Variants in ASAP1 observed in about 807,000 individuals in gnomAD.
ASAP1 encodes the protein ArfGAP with SH3 domain, ankyrin repeat and PH domain 1.
ASAP1 carries 43 observed loss-of-function variants against 145.2 expected under a neutral mutation model. That is an observed-to-expected ratio of 0.30 (90% CI 0.23 to 0.38). The LOEUF (loss-of-function observed/expected upper bound fraction) is 0.38, where lower values mean the gene tolerates loss of function less well. Ranked by LOEUF, ASAP1 falls within the 10% of genes least tolerant of loss-of-function variation. ASAP1 has a pLI of 1.00. For synonymous variants in ASAP1, 546 were observed against 515.5 expected (o/e 1.06, Z -0.80); for missense variants, 1,018 against 1,355.3 (o/e 0.75, Z 3.91).
At chr8:130,117,436 G>A (rs2135641758) in intron 20 of ASAP1, among the ~76,000 whole-genome samples, 1 of 152,300 alleles carries the variant, frequency 6.6e-6, no homozygotes, top group Non-Finnish European at 1.5e-5. Context: ...TGTCTCTGAG[G>A]AAGAAACCTG....
chr8:130,252,576 T>C (rs1819266543), intron 3 of ASAP1, among the ~76,000 whole-genome samples: 2 of 152,142 alleles, frequency 1.3e-5, no homozygotes, highest in African/African-American at 4.8e-5. Context: ...AACTGTACAT[T>C]TAAAAAATTA....
At chr8:130,261,686 AGAGTAAGAACTCT>A (rs1205265736) in intron 3 of ASAP1, among the ~76,000 whole-genome samples, 1 of 152,172 alleles carries the variant, frequency 6.6e-6, no homozygotes, top group African/African-American at 2.4e-5. Context: ...TAGTCAACAG[AGAGTAAGAACTCT>A]GATACACAAT....
intron 24 of ASAP1, among the ~76,000 whole-genome samples, chr8:130,100,561 T>C (rs1056217296): frequency 6.6e-6 from 1 of 152,118 alleles, no homozygotes; most frequent in African/African-American, 2.4e-5. Flanking sequence ...AGCCCTGACC[T>C]CAGGCAATCT....
Position 130,187,241 on chromosome 8 carries a change from T to C in ASAP1, c.525A>G (p.Thr175=). The C allele has an allele frequency of 6.2e-7, 1 of 1,608,158 alleles. No individual in the cohort carries two copies. Among genetic ancestry groups the C allele is most frequent in the Non-Finnish European group, 8.5e-7 (1 of 1,178,490 alleles). ...PFDKAWKDYE[T]KFTKIEKEKR... is the part of the protein sequence containing the mutation. ...CTAAACAAAAAACCACTTACAACTT[T>C]GTCTCATAATCTTTCCAGGCTTTGT... The change falls in exon 7 of 30, where the codon ACA becomes ACG. Residue 175 remains threonine, a synonymous_variant. Coordinates refer to ENST00000518721, the MANE Select transcript of ASAP1 (RefSeq NM_018482.4).
intron 3 of ASAP1, among the ~76,000 whole-genome samples, chr8:130,260,802 C>T (rs1819850219): frequency 6.6e-6 from 1 of 152,150 alleles, no homozygotes; most frequent in African/African-American, 2.4e-5. Context: ...CAAAGGAATA[C>T]CAGGGCACAT....
chr8:130,221,271 G>A (rs1271907140), intron 4 of ASAP1, among the ~76,000 whole-genome samples: 1 of 151,954 alleles, frequency 6.6e-6, no homozygotes, highest in East Asian at 1.9e-4. Context: ...GAAAGAAAGA[G>A]AAGGAAGGAA....
intron 2 of ASAP1, among the ~76,000 whole-genome samples, chr8:130,364,933 C>G (rs1245525993): frequency 6.6e-6 from 1 of 152,126 alleles, no homozygotes. Context: ...GCAATCCAGT[C>G]TCAAAAAATA....
At chr8:130,169,364 C>T (rs569090551) in intron 9 of ASAP1, among the ~76,000 whole-genome samples, 15 of 152,220 alleles carry the variant, frequency 9.9e-5, no homozygotes, top group South Asian at 6.2e-4. Flanking sequence ...GATTTCATAA[C>T]GTACATATGC....
chr8:130,346,906 T>C (rs1825733653), intron 3 of ASAP1, among the ~76,000 whole-genome samples: 1 of 152,148 alleles, frequency 6.6e-6, no homozygotes, highest in Non-Finnish European at 1.5e-5. Flanking sequence ...GAAAAGGAAA[T>C]GGGCATCATA....
intron 1 of ASAP1, among the ~76,000 whole-genome samples, chr8:130,415,622 T>C (rs1348128094): frequency 6.6e-6 from 1 of 152,098 alleles, no homozygotes; most frequent in East Asian, 1.9e-4. Context: ...ACCCCATTTC[T>C]ACGAAAAATA....
At chr8:130,074,122 A>G (rs1199442839) in intron 27 of ASAP1, among the ~76,000 whole-genome samples, 1 of 152,132 alleles carries the variant, frequency 6.6e-6, no homozygotes, top group Non-Finnish European at 1.5e-5. Context: ...TCTTAAAAAA[A>G]AAAAGGGGGC....
chr8:130,348,973 G>A (rs912030713), intron 3 of ASAP1, among the ~76,000 whole-genome samples: 3 of 152,232 alleles, frequency 2.0e-5, no homozygotes, highest in Non-Finnish European at 4.4e-5. Context: ...CAATGGAGAG[G>A]ACTCGACGAG....
rs1008707817 is a variant in ASAP1, at chr8:130,205,436, T to C, written c.405+9120A>G. 1.6e-4 allele frequency among the ~76,000 whole-genome samples: 23 copies of C among 147,892 alleles called. No homozygotes were observed. In the South Asian group the frequency reaches 4.9e-3, roughly 31 times the overall value. On this transcript the variant is annotated intron_variant, in intron 5 of 29. Transcript: ENST00000518721. ...ATTCAAATTCAGCCTGAGGTATATA[T>C]ACACTAGGATACCTGTTTATTGGAT...
chr8:130,157,090 A>C (rs929120834), intron 12 of ASAP1, among the ~76,000 whole-genome samples: 2 of 152,166 alleles, frequency 1.3e-5, no homozygotes, highest in Admixed American at 6.5e-5. Context: ...TTTCCAAGAG[A>C]TGTTTGTACC....
At chr8:130,353,686 A>G (rs1387406163) in intron 3 of ASAP1, among the ~76,000 whole-genome samples, 1 of 152,200 alleles carries the variant, frequency 6.6e-6, no homozygotes, top group African/African-American at 2.4e-5. Context: ...CCTGGCCAAC[A>G]TGATGAAACT....
chr8:130,370,872 G>C (rs1204586230), intron 2 of ASAP1, among the ~76,000 whole-genome samples: 3 of 152,216 alleles, frequency 2.0e-5, no homozygotes, highest in African/African-American at 7.2e-5. Context: ...GCAGATTAGT[G>C]GTTATCAGGG....
At chr8:130,059,559 G>T (rs763502446) in intron 28 of ASAP1, among the ~76,000 whole-genome samples, 1 of 152,068 alleles carries the variant, frequency 6.6e-6, no homozygotes, top group Non-Finnish European at 1.5e-5. Flanking sequence ...GGCCTCAAGC[G>T]ATCCACTCGC....
chr8:130,374,581 CT>C (rs1000130892), intron 2 of ASAP1, among the ~76,000 whole-genome samples: 6 of 152,230 alleles, frequency 3.9e-5, no homozygotes, highest in Non-Finnish European at 8.8e-5. Context: ...TGTATAATTG[CT>C]TTTTAACAAG....
At chr8:130,291,446 C>T (rs1215270363) in intron 3 of ASAP1, among the ~76,000 whole-genome samples, 1 of 152,190 alleles carries the variant, frequency 6.6e-6, no homozygotes. Context: ...AAAGTCATCT[C>T]CTGCCACTTC....
Sources: gnomAD v4.1 joint callset for allele counts (sites outside exome capture counted in the v4.1 genomes callset) on GRCh38, gnomAD v4.1.1 for gene constraint, MANE v1.5 for transcripts, NCBI Gene and HGNC (gene_info 2026-07-23, HGNC 2026-07-21) for gene names.